The following LMAN2 variants were observed in gnomAD, a reference collection of about 807,000 sequenced individuals.
The protein encoded by LMAN2 is lectin, mannose binding 2.
In LMAN2, 22 loss-of-function variants were observed where a neutral mutation model predicts 39.3. That is an observed-to-expected ratio of 0.56 (90% confidence interval 0.40 to 0.80). The LOEUF is 0.80. Ranked by LOEUF, LMAN2 falls within the 30% of genes least tolerant of loss-of-function variation. The pLI is 0.00. For synonymous variants in LMAN2, 207 were observed against 207.8 expected, an observed-to-expected ratio of 1.00 and a Z score of 0.03; for missense variants, 494 against 505.4, an observed-to-expected ratio of 0.98 and a Z score of 0.22.
Position 177,344,924 on chromosome 5 carries a change from A to AAAAGAAAAG in LMAN2, c.315+6248_315+6249insCTTTTCTTT, listed in dbSNP as rs538504602. On this transcript the variant is annotated intron_variant, in intron 2 of 7. Transcript: ENST00000303127. Reference sequence around the variant, plus strand: ...CTGTCTCAAAAAAAGAAAAGAAAAGAAAAGAAGAGAAAGAAGAGAAGAGAA... The same window carrying AAAAGAAAAG: ...CTGTCTCAAAAAAAGAAAAGAAAAGAAAAGAAAAGAAAGAAGAGAAAGAAGAGAAGAGAA... Among the ~76,000 whole-genome samples, 390 of 144,418 alleles carry AAAAGAAAAG rather than the reference A, an allele frequency of 2.7e-3. 1 individual carries two copies. The highest frequency in any genetic ancestry group is 0.011 in the African/African-American group (375 of 34,142). The allele number at this position is 144,418 out of a possible 152,430, so 94.7% of individuals were successfully genotyped here.
chr5:177,336,354 G>A (rs1286543301), intron 6 of LMAN2, among the ~76,000 whole-genome samples: 2 of 152,138 alleles, frequency 1.3e-5, no homozygotes, highest in African/African-American at 2.4e-5. Context: ...AGGCCCTGGC[G>A]CCCCCTGCAG....
At position 177,351,519 on chromosome 5, in the gene LMAN2, A is replaced by G. The variant is rs761871760; in HGVS notation, c.129T>C (p.Thr43=). 6.2e-7 allele frequency: 1 copy of G among 1,614,270 alleles called. No homozygotes were observed. Among genetic ancestry groups the G allele is most frequent in the South Asian group, 1.1e-5 (1 of 91,090 alleles). The stretch of plus-strand genomic sequence containing the variant: ...CACTGTTGCCGTCAGTTATATCCGC[A>G]GTCACAGACCCCAACAACAAAAGAA... The part of the protein sequence containing the change: ...LFLLLLLGSV[T]ADITDGNSEH... The change falls in exon 1 of 8, where the codon ACT becomes ACC. Residue 43 remains threonine, a synonymous_variant. Transcript: ENST00000303127.
At chr5:177,349,576 G>A (rs1761692309) in intron 2 of LMAN2, among the ~76,000 whole-genome samples, 2 of 152,162 alleles carry the variant, frequency 1.3e-5, no homozygotes, top group Admixed American at 6.5e-5. Flanking sequence ...TGACATCCTC[G>A]AGCCACTGAT....
At chr5:177,344,806 T>C (rs1456620011) in intron 2 of LMAN2, among the ~76,000 whole-genome samples, 2 of 151,208 alleles carry the variant, frequency 1.3e-5, no homozygotes, top group Non-Finnish European at 2.9e-5. Context: ...CTAGGGAGGC[T>C]GAGGCAGGAA....
At chr5:177,345,777 A>T (rs967728573) in intron 2 of LMAN2, among the ~76,000 whole-genome samples, 55 of 149,526 alleles carry the variant, frequency 3.7e-4, no homozygotes, top group African/African-American at 1.3e-3. Context: ...TTATTTATTT[A>T]TTTATTTTTT....
At position 177,332,277 on chromosome 5, in the gene LMAN2, G is replaced by A. The variant is rs779149687; in HGVS notation, c.911-31C>T. ...GGAGAAGAAACGGGGGAGCTGAAAC[G>A]GCAGCACGGGCCGGGGATCAGGGGG... On this transcript the variant is annotated intron_variant, in intron 7 of 7. Transcript: ENST00000303127. The surrounding 1 kb of genome is among the most constrained non-coding windows in gnomAD (Gnocchi z 6.3). 3.2e-5 allele frequency: 51 copies of A among 1,603,284 alleles called. 2 individuals carry two copies. The South Asian group carries it at 3.8e-4, about 12-fold the overall frequency.
At chr5:177,334,552 T>G in intron 6 of LMAN2, 149 bp from the exon 7 acceptor site, 1 of 1,021,700 alleles carries the variant, frequency 9.8e-7, no homozygotes, top group Admixed American at 3.2e-5. Flanking sequence ...AGGGCCTGTT[T>G]TCTTCCCAGC....
At position 177,351,290 on chromosome 5, in the gene LMAN2, C is replaced by T. The variant is rs759853710; in HGVS notation, c.198G>A (p.Gly66=). 21 of 1,613,706 alleles carry T rather than the reference C, an allele frequency of 1.3e-5. No individual in the cohort carries two copies. The highest frequency in any genetic ancestry group is 2.7e-5 in the African/African-American group (2 of 74,916). Residue 66 remains glycine, a splice_region_variant and synonymous_variant, in exon 2 of 8, where the codon GGG becomes GGA. Transcript: ENST00000303127. Reference sequence around the variant, plus strand: ...AGAGGGGCATAGAGCTGGAACCGACCCCTGTGGGAAGAGACAGGTGCTAAG... The same window carrying T: ...AGAGGGGCATAGAGCTGGAACCGACTCCTGTGGGAAGAGACAGGTGCTAAG... ...REHSLIKPYQ[G]VGSSSMPLWD...
Position 177,332,197 on chromosome 5 carries a change from C to A in LMAN2, c.960G>T (p.Gly320=), listed in dbSNP as rs1244931481. ...TGNFRSGPLT[G]WRVFLLLLCA... ...ACAGCAGCAGCAGGAACACCCGCCA[C>A]CCCGTCAGGGGCCCGCTGCGGAAGT... Residue 320 remains glycine, a synonymous_variant, in exon 8 of 8, where the codon GGG becomes GGT. Transcript: ENST00000303127. This position sits in a 1 kb window ranked among gnomAD's most constrained non-coding sequence, Gnocchi z 6.3. 6.2e-7 allele frequency: 1 copy of A among 1,613,414 alleles called. No individual in the cohort carries two copies. The highest frequency in any genetic ancestry group is 8.5e-7 in the Non-Finnish European group (1 of 1,179,894).
At chr5:177,342,417 C>T (rs1761567437) in intron 2 of LMAN2, among the ~76,000 whole-genome samples, 1 of 152,150 alleles carries the variant, frequency 6.6e-6, no homozygotes, top group African/African-American at 2.4e-5. Context: ...GTTGCAGTGG[C>T]TCACACCTGT....
In LMAN2 at chr5:177,337,548, C is replaced by G. The variant is rs1238891824; in HGVS notation, c.514-24G>C. 1 of 1,611,634 alleles carries G rather than the reference C, an allele frequency of 6.2e-7. No individual in the cohort carries two copies. ...CGCTGGGACCAAGACATCGGTTACT[C>G]CACAAGCAGCCCAGCCTGTGGGGCG... On this transcript the variant is annotated intron_variant, in intron 4 of 7. Coordinates refer to ENST00000303127, the MANE Select transcript of LMAN2 (RefSeq NM_006816.3). This position sits in a 1 kb window ranked among gnomAD's most constrained non-coding sequence, Gnocchi z 8.2.
rs888656779 is a variant in LMAN2 at position 177,337,352 on chromosome 5, A to G, written c.675+11T>C. 1 of 1,610,596 alleles carries G rather than the reference A, an allele frequency of 6.2e-7. No homozygotes were observed. The highest frequency in any genetic ancestry group is 1.3e-5 in the African/African-American group (1 of 75,030). ...CCACCAGCTGCCACCCCCACCGCCT[A>G]GCCTGCTCACCGTCAGACGGCCCCG... On this transcript the variant is annotated intron_variant, in intron 5 of 7. Coordinates refer to ENST00000303127, the MANE Select transcript of LMAN2 (RefSeq NM_006816.3). The surrounding 1 kb of genome is among the most constrained non-coding windows in gnomAD (Gnocchi z 8.2).
At chr5:177,343,266 A>C (rs112478273) in intron 2 of LMAN2, among the ~76,000 whole-genome samples, 3 of 152,286 alleles carry the variant, frequency 2.0e-5, no homozygotes, top group African/African-American at 7.2e-5. Context: ...TAAATAAATA[A>C]ATAATAACAA....
In LMAN2 at chr5:177,351,183, C is replaced by T; in HGVS notation, c.305G>A (p.Trp102Ter). 6.2e-7 allele frequency: 1 copy of T among 1,613,882 alleles called. No homozygotes were observed. The highest frequency in any genetic ancestry group is 8.5e-7 in the Non-Finnish European group (1 of 1,179,794). ...TTGAGAACCACTCACCTGGTGGTTC[C>T]AGATAGAGCCCTCTTTGCTGCGCTC... The part of the protein sequence containing the change: ...PDERSKEGSI[W>*]NHQPCFLKDW... The change falls in exon 2 of 8, where the codon TGG becomes TAG. Residue 102 changes from tryptophan to a stop codon, truncating the protein, a stop_gained. Coordinates refer to ENST00000303127, the MANE Select transcript of LMAN2 (RefSeq NM_006816.3). LOFTEE classifies it high-confidence loss of function.
At chr5:177,338,384 T>C in intron 3 of LMAN2, 104 bp downstream of exon 3, 1 of 848,648 alleles carries the variant, frequency 1.2e-6, no homozygotes, top group East Asian at 2.4e-5. Flanking sequence ...GAGGAGACGC[T>C]GGTCCCCACG....
Position 177,337,706 on chromosome 5 carries a change from C to T in LMAN2, c.513G>A (p.Glu171=). The T allele has an allele frequency of 1.2e-6, 2 of 1,613,930 alleles. No homozygotes were observed. The highest frequency in any genetic ancestry group is 1.7e-6 in the Non-Finnish European group (2 of 1,179,920). Residue 171 remains glutamate (E), a splice_region_variant and synonymous_variant, in exon 4 of 8, where the codon GAG becomes GAA. Coordinates refer to ENST00000303127, the MANE Select transcript of LMAN2 (RefSeq NM_006816.3). This position sits in a 1 kb window ranked among gnomAD's most constrained non-coding sequence, Gnocchi z 8.2. ...LDTYPNDETT[E]RVFPYISVMV... Reference sequence around the variant, plus strand: ...TCAGCAGGATAGAGCAGGGGCCTACCTCAGTGGTCTCATCATTGGGGTAGG... The same window carrying T: ...TCAGCAGGATAGAGCAGGGGCCTACTTCAGTGGTCTCATCATTGGGGTAGG...
In LMAN2 at chr5:177,337,671, C is replaced by T; in HGVS notation, c.513+35G>A. On this transcript the variant is annotated intron_variant, in intron 4 of 7. Transcript: ENST00000303127. The surrounding 1 kb of genome is among the most constrained non-coding windows in gnomAD (Gnocchi z 8.2). ...TCCTCTAGCCGACTGCCCAGTCCTT[C>T]CTTTCCTGCTCAGCAGGATAGAGCA... 1 of 1,610,504 alleles carries T rather than the reference C, an allele frequency of 6.2e-7. No homozygotes were observed. Among genetic ancestry groups the T allele is most frequent in the Non-Finnish European group, 8.5e-7 (1 of 1,177,246 alleles).
At chr5:177,333,366 G>A (rs991935608) in intron 7 of LMAN2, among the ~76,000 whole-genome samples, 35 of 152,234 alleles carry the variant, frequency 2.3e-4, no homozygotes, top group African/African-American at 8.2e-4. Flanking sequence ...ATCCTGCCTT[G>A]CCAGCTGCAC....
intron 2 of LMAN2, among the ~76,000 whole-genome samples, chr5:177,345,728 A>G (rs965791877): frequency 6.4e-5 from 9 of 140,500 alleles, no homozygotes; most frequent in African/African-American, 2.3e-4. Context: ...CGCAGCAGCC[A>G]TGGCATGCAT....
Sources: gnomAD v4.1 joint callset for allele counts (sites outside exome capture counted in the v4.1 genomes callset) on GRCh38, gnomAD v4.1.1 for gene constraint, Gnocchi (gnomAD v3.1) non-coding constraint, MANE v1.5 for transcripts, NCBI Gene and HGNC (gene_info 2026-07-23, HGNC 2026-07-21) for gene names.